CLTC: variants seen among roughly 807,000 people sequenced by gnomAD.
CLTC encodes the protein clathrin heavy chain, also known as clathrin heavy chain 1.
A neutral mutation model predicts 195.8 loss-of-function variants in CLTC; 16 were observed. The observed-to-expected ratio is 0.08, with a 90% CI of 0.06 to 0.12. CLTC has a LOEUF of 0.12. Ranked by LOEUF, CLTC falls within the 10% of genes least tolerant of loss-of-function variation. The pLI is 1.00. For missense variants in CLTC, 796 were observed against 2,027.0 expected (o/e 0.39, Z 11.66); for synonymous variants, 667 against 689.4 (o/e 0.97, Z 0.51).
At chr17:59,628,951 C>T (rs1438286481) in intron 1 of CLTC, among the ~76,000 whole-genome samples, 3 of 152,084 alleles carry the variant, frequency 2.0e-5, no homozygotes, top group Non-Finnish European at 2.9e-5. Context: ...CGTGAGCCAT[C>T]GTGCCTGGCC....
At chr17:59,625,018 A>G (rs2031503823) in intron 1 of CLTC, among the ~76,000 whole-genome samples, 1 of 152,082 alleles carries the variant, frequency 6.6e-6, no homozygotes, top group African/African-American at 2.4e-5. Flanking sequence ...GATATGCAAA[A>G]TATTATTTCA....
intron 6 of CLTC, among the ~76,000 whole-genome samples, chr17:59,659,187 A>G (rs1032334214): frequency 2.0e-5 from 3 of 152,148 alleles, no homozygotes; most frequent in East Asian, 1.9e-4. Context: ...ATACAATTAT[A>G]TTAGGTTGAG....
At chr17:59,690,788 TACA>T (rs1364378776) in intron 31 of CLTC, 77 bp downstream of exon 31, 37 of 1,106,598 alleles carry the variant, frequency 3.3e-5, no homozygotes, top group East Asian at 2.4e-5. Context: ...CAAAATAGAA[TACA>T]ACAAGCTTCT....
Position 59,682,841 on chromosome 17 carries a change from A to C in CLTC, c.3765+48A>C. 6.2e-7 allele frequency: 1 copy of C among 1,611,334 alleles called. No homozygotes were observed. The highest frequency in any genetic ancestry group is 8.5e-7 in the Non-Finnish European group (1 of 1,178,432). On this transcript the variant is annotated intron_variant, in intron 23 of 31. Transcript: ENST00000269122. The surrounding 1 kb of genome is among the most constrained non-coding windows in gnomAD (Gnocchi z 6.8). ...TGAAGAATTAAAGAAACGCTATTTA[A>C]ACATTAGTTTAAATAACTAGCCATG...
chr17:59,666,453 A>C lies in CLTC; in HGVS notation c.1783-27A>C. 6.2e-7 allele frequency: 1 copy of C among 1,607,128 alleles called. No homozygotes were observed. The highest frequency in any genetic ancestry group is 8.5e-7 in the Non-Finnish European group (1 of 1,175,360). On this transcript the variant is annotated intron_variant, in intron 11 of 31. Transcript: ENST00000269122. This position sits in a 1 kb window ranked among gnomAD's most constrained non-coding sequence, Gnocchi z 4.9. The stretch of plus-strand genomic sequence containing the variant: ...TACTCATGTAAGTGGAGTGGACAAT[A>C]AACTTGCCTTGTTTGTGGTTTTACA...
intron 1 of CLTC, among the ~76,000 whole-genome samples, chr17:59,642,795 AT>A (rs1440571180): frequency 1.3e-5 from 2 of 152,200 alleles, no homozygotes; most frequent in African/African-American, 4.8e-5. Flanking sequence ...TTGCCCCTAT[AT>A]TCAGTGACTG....
At chr17:59,667,713 C>T (rs1598228739) in intron 13 of CLTC, among the ~76,000 whole-genome samples, 2 of 152,150 alleles carry the variant, frequency 1.3e-5, no homozygotes, top group South Asian at 2.1e-4. Flanking sequence ...ATTCCAGTAG[C>T]GTCAGCTCCA....
chr17:59,689,345 T>TA (rs1246705235), intron 30 of CLTC: 1 of 152,208 alleles, frequency 6.6e-6, no homozygotes, highest in African/African-American at 2.4e-5. Context: ...ACTTTTTTAA[T>TA]AGTTTCAAAC....
Position 59,694,132 on chromosome 17 carries a change from A to G in CLTC, c.*280A>G, listed in dbSNP as rs2033370673. The G allele has an allele frequency of 7.1e-6, 2 of 282,136 alleles. No individual in the cohort carries two copies. The highest frequency in any genetic ancestry group is 5.1e-5 in the Admixed American group (1 of 19,610). 17.5% of individuals were successfully genotyped at this position (282,136 alleles called of 1,614,324 possible). Reference sequence around the variant, plus strand: ...CTCTTTCTTTAAAGAACTGCTCAATATTCAATCTGTTGTGAAGAACCTGAT... The same window carrying G: ...CTCTTTCTTTAAAGAACTGCTCAATGTTCAATCTGTTGTGAAGAACCTGAT... On this transcript the variant is annotated 3_prime_UTR_variant, in exon 32 of 32. Transcript: ENST00000269122.
intron 9 of CLTC, 89 bp from the exon 10 acceptor site, chr17:59,664,698 A>G: frequency 1.4e-6 from 2 of 1,407,660 alleles, no homozygotes; most frequent in East Asian, 2.3e-5. Flanking sequence ...CAGTAGTTCT[A>G]TATTAGTGAG....
At chr17:59,624,445 A>G (rs1598197427) in intron 1 of CLTC, among the ~76,000 whole-genome samples, 4 of 141,208 alleles carry the variant, frequency 2.8e-5, no homozygotes, top group South Asian at 2.3e-4. Flanking sequence ...AAATAATATG[A>G]GCCACATACT....
At chr17:59,690,582 C>T (rs1313787337) in intron 30 of CLTC, 54 bp from the exon 31 acceptor site, 43 of 1,296,734 alleles carry the variant, frequency 3.3e-5, no homozygotes, top group Non-Finnish European at 4.7e-5. Flanking sequence ...CTGCCATAAA[C>T]CTAGGTTTAT....
chr17:59,652,660 A>G (rs2032356406), intron 5 of CLTC, among the ~76,000 whole-genome samples: 1 of 152,184 alleles, frequency 6.6e-6, no homozygotes, highest in African/African-American at 2.4e-5. Context: ...GCATAAAAAG[A>G]TTTAGTAAAC....
At chr17:59,672,509 A>G (rs1433034694) in intron 14 of CLTC, among the ~76,000 whole-genome samples, 3 of 152,220 alleles carry the variant, frequency 2.0e-5, no homozygotes, top group Admixed American at 6.5e-5. Flanking sequence ...ACATAGATAG[A>G]TGCAGACAGA....
intron 13 of CLTC, among the ~76,000 whole-genome samples, chr17:59,667,640 G>A (rs2032761275): frequency 6.6e-6 from 1 of 152,192 alleles, no homozygotes; most frequent in African/African-American, 2.4e-5. Context: ...GTAGAGGGGT[G>A]TTCCTGTACA....
chr17:59,622,592 C>T (rs1200919150), intron 1 of CLTC, among the ~76,000 whole-genome samples: 1 of 152,050 alleles, frequency 6.6e-6, no homozygotes, highest in Non-Finnish European at 1.5e-5. Context: ...CCAGGCTAGT[C>T]TCGAATGCCT....
intron 1 of CLTC, among the ~76,000 whole-genome samples, chr17:59,632,636 C>G (rs1598203584): frequency 6.6e-6 from 1 of 152,204 alleles, no homozygotes; most frequent in Middle Eastern, 3.4e-3. Flanking sequence ...GAGCGAGACT[C>G]TGTCTCAAAA....
In CLTC at chr17:59,674,784, T is replaced by C. The variant is rs746052598; in HGVS notation, c.2502T>C (p.Leu834=). The change falls in exon 16 of 32, where the codon CTT becomes CTC. Residue 834 remains leucine (L), a synonymous_variant. Coordinates refer to ENST00000269122, the MANE Select transcript of CLTC (RefSeq NM_004859.4). ...AAGATGTCATAAAAAACTTGATTCT[T>C]GTTGTAAGAGGTCAATTCTCTACTG... ...CSEDVIKNLI[L]VVRGQFSTDE... The C allele has an allele frequency of 6.8e-6, 11 of 1,613,434 alleles. No individual in the cohort carries two copies. The highest frequency in any genetic ancestry group is 9.3e-6 in the Non-Finnish European group (11 of 1,179,694).
intron 3 of CLTC, 51 bp downstream of exon 3, chr17:59,647,717 G>T: frequency 2.7e-6 from 4 of 1,486,172 alleles, no homozygotes; most frequent in Non-Finnish European, 3.7e-6. Context: ...ACACGGTTGT[G>T]CCCAGAATGC....
Sources: gnomAD v4.1 joint callset for allele counts (sites outside exome capture counted in the v4.1 genomes callset) on GRCh38, gnomAD v4.1.1 for gene constraint, Gnocchi (gnomAD v3.1) non-coding constraint, MANE v1.5 for transcripts, NCBI Gene and HGNC (gene_info 2026-07-23, HGNC 2026-07-21) for gene names.